NALF1: variants seen among roughly 807,000 people sequenced by gnomAD.
NALF1 encodes the protein family with sequence similarity 155 member A.
In NALF1, 3 loss-of-function variants were observed where a neutral mutation model predicts 48.4. The ratio of observed to expected loss-of-function variants is 0.06; its 90% CI spans 0.03 to 0.16. The LOEUF (loss-of-function observed/expected upper bound fraction) is 0.16, where lower values mean the gene tolerates loss of function less well. Among genes scored for constraint, NALF1 ranks in the 10% least tolerant of loss-of-function variants. The pLI, the probability that NALF1 is intolerant of heterozygous loss-of-function variation, is 1.00. For missense variants in NALF1, 526 were observed against 571.5 expected (o/e 0.92, Z 0.81); for synonymous variants, 262 against 245.7 (o/e 1.07, Z -0.62).
At chr13:107,414,186 T>C (rs1884044096) in intron 1 of NALF1, among the ~76,000 whole-genome samples, 1 of 149,700 alleles carries the variant, frequency 6.7e-6, no homozygotes, top group African/African-American at 2.4e-5. Flanking sequence ...ACTTCTCTTA[T>C]TGAAAATAAT....
intron 1 of NALF1, among the ~76,000 whole-genome samples, chr13:107,433,291 T>C (rs905326855): frequency 2.0e-5 from 3 of 152,204 alleles, no homozygotes; most frequent in African/African-American, 7.2e-5. Context: ...CCAGTTGCCA[T>C]ACATCAATGA....
At position 107,461,856 on chromosome 13, in the gene NALF1, A is replaced by G. The variant is rs189035200; in HGVS notation, c.916-251101T>C. Among the ~76,000 whole-genome samples, 48 of 152,338 alleles carry G rather than the reference A, an allele frequency of 3.2e-4. No homozygotes were observed. In the East Asian group the frequency reaches 8.9e-3, roughly 28 times the overall value. On this transcript the variant is annotated intron_variant, in intron 1 of 2. Transcript: ENST00000375915. ...ATTTCTCCAGGCAAAAAGAGCCAAC[A>G]GAATTCTAAATTGAACTAAGAAAAC...
At chr13:107,809,272 T>A (rs1298171935) in intron 1 of NALF1, among the ~76,000 whole-genome samples, 1 of 152,038 alleles carries the variant, frequency 6.6e-6, no homozygotes, top group Non-Finnish European at 1.5e-5. Context: ...TGGACAAGGC[T>A]GTTTTAACCA....
chr13:107,487,947 GAACTCATTA>G (rs1885355757), intron 1 of NALF1, among the ~76,000 whole-genome samples: 1 of 151,646 alleles, frequency 6.6e-6, no homozygotes, highest in Non-Finnish European at 1.5e-5. Flanking sequence ...CTCAATTTCA[GAACTCATTA>G]TTGGTCTGTC....
chr13:107,818,566 G>T (rs1217496867), intron 1 of NALF1, among the ~76,000 whole-genome samples: 1 of 151,984 alleles, frequency 6.6e-6, no homozygotes, highest in African/African-American at 2.4e-5. Context: ...CATGAAATCA[G>T]AATTGGTCTT....
At chr13:107,420,645 C>A (rs997554263) in intron 1 of NALF1, among the ~76,000 whole-genome samples, 1 of 152,082 alleles carries the variant, frequency 6.6e-6, no homozygotes, top group Non-Finnish European at 1.5e-5. Context: ...TTAATTCATT[C>A]AATACATTAA....
At chr13:107,454,149 T>G (rs1884787261) in intron 1 of NALF1, among the ~76,000 whole-genome samples, 1 of 152,176 alleles carries the variant, frequency 6.6e-6, no homozygotes, top group Non-Finnish European at 1.5e-5. Flanking sequence ...GCTTTCCAAC[T>G]ATTCCAGCAC....
At chr13:107,761,105 C>A (rs1339876282) in intron 1 of NALF1, among the ~76,000 whole-genome samples, 2 of 152,128 alleles carry the variant, frequency 1.3e-5, no homozygotes, top group Non-Finnish European at 2.9e-5. Flanking sequence ...CACTTGTAAT[C>A]CCAGTACTTT....
rs1309231248 is a variant in NALF1, at chr13:107,168,641, C to G, written c.*1856G>C. ...AATCTAGTAAAATATTGTGCATGTA[C>G]TGCTAAACAATTCTAGCAATTTTAT... On this transcript the variant is annotated 3_prime_UTR_variant, in exon 3 of 3. Transcript: ENST00000375915. 1 of 152,516 alleles carries G rather than the reference C, an allele frequency of 6.6e-6. No homozygotes were observed. Among genetic ancestry groups the G allele is most frequent in the Non-Finnish European group, 1.5e-5 (1 of 68,024 alleles). 9.4% of individuals were successfully genotyped at this position (152,516 alleles called of 1,614,324 possible).
intron 1 of NALF1, among the ~76,000 whole-genome samples, chr13:107,805,128 AAT>A (rs780612897): frequency 2.0e-5 from 3 of 152,214 alleles, no homozygotes; most frequent in Non-Finnish European, 1.5e-5. Flanking sequence ...CAGTAATTGA[AAT>A]ATGTTTACAG....
At chr13:107,433,271 G>A (rs1025661936) in intron 1 of NALF1, among the ~76,000 whole-genome samples, 26 of 152,056 alleles carry the variant, frequency 1.7e-4, no homozygotes, top group Non-Finnish European at 8.8e-5. Flanking sequence ...ACTTTATGCT[G>A]GAAGAGAGAC....
chr13:107,521,546 A>T (rs1876238253), intron 1 of NALF1, among the ~76,000 whole-genome samples: 1 of 152,224 alleles, frequency 6.6e-6, no homozygotes, highest in Non-Finnish European at 1.5e-5. Context: ...AGCACTAGTT[A>T]GAATAACAAA....
chr13:107,817,357 G>A (rs1280040304), intron 1 of NALF1, among the ~76,000 whole-genome samples: 1 of 152,212 alleles, frequency 6.6e-6, no homozygotes, highest in Non-Finnish European at 1.5e-5. Context: ...TTAGAATGAT[G>A]ATTCTGTAAC....
chr13:107,659,768 TAC>T (rs1447312032), intron 1 of NALF1, among the ~76,000 whole-genome samples: 2 of 152,100 alleles, frequency 1.3e-5, no homozygotes, highest in Non-Finnish European at 2.9e-5. Context: ...ATAAACCAAT[TAC>T]AGGTGGTCCC....
chr13:107,817,334 G>A (rs1203066313), intron 1 of NALF1, among the ~76,000 whole-genome samples: 2 of 152,194 alleles, frequency 1.3e-5, no homozygotes, highest in Admixed American at 1.3e-4. Flanking sequence ...TAGGTGTGGT[G>A]TCCTTGTGCT....
chr13:107,267,981 A>G, intron 1 of NALF1, among the ~76,000 whole-genome samples: 1 of 109,460 alleles, frequency 9.1e-6, no homozygotes. Flanking sequence ...TTTTTTCTGG[A>G]ATTTTTTTTT....
intron 2 of NALF1, among the ~76,000 whole-genome samples, chr13:107,200,000 T>A (rs1485691837): frequency 2.6e-5 from 4 of 152,170 alleles, no homozygotes; most frequent in African/African-American, 7.2e-5. Flanking sequence ...AATGAACTCA[T>A]CCAATGTTTG....
At chr13:107,282,201 G>A (rs756924278) in intron 1 of NALF1, among the ~76,000 whole-genome samples, 9 of 152,178 alleles carry the variant, frequency 5.9e-5, no homozygotes, top group Non-Finnish European at 1.3e-4. Context: ...AGTTCAAGTT[G>A]TCATATGTAC....
At chr13:107,626,856 G>T (rs1879688540) in intron 1 of NALF1, among the ~76,000 whole-genome samples, 1 of 152,052 alleles carries the variant, frequency 6.6e-6, no homozygotes, top group South Asian at 2.1e-4. Context: ...TACAGGTAAA[G>T]ATGGTAAACT....
Sources: gnomAD v4.1 joint callset for allele counts (sites outside exome capture counted in the v4.1 genomes callset) on GRCh38, gnomAD v4.1.1 for gene constraint, MANE v1.5 for transcripts, NCBI Gene and HGNC (gene_info 2026-07-23, HGNC 2026-07-21) for gene names.